FAM199X: variants seen among roughly 807,000 people sequenced by gnomAD.
FAM199X encodes protein FAM199X.
Under a neutral mutation model 22.9 loss-of-function variants are expected in FAM199X, and 4 were observed. The ratio of observed to expected loss-of-function variants is 0.17; its 90% CI spans 0.09 to 0.40. FAM199X has a LOEUF of 0.40. FAM199X is among the 10% of genes least tolerant of loss of function. FAM199X has a pLI of 1.00. For missense variants in FAM199X, 183 were observed against 306.8 expected (o/e 0.60, Z 3.01); for synonymous variants, 101 against 112.3 (o/e 0.90, Z 0.64).
At chrX:104,157,842 C>T in the FAM199X span, among the ~76,000 whole-genome samples, 2 of 111,739 alleles carry the variant, frequency 1.8e-5, no homozygotes, top group Admixed American at 9.4e-5. Context: ...TAAAGAGTCT[C>T]TTTGTACTGT....
intron 2 of FAM199X, among the ~76,000 whole-genome samples, chrX:104,176,530 AT>A (rs1211531000): frequency 7.1e-5 from 8 of 112,642 alleles, no homozygotes; most frequent in African/African-American, 2.3e-4. Context: ...TGTCTGCTAC[AT>A]TTGAAAGCCA....
Position 104,188,139 on chromosome X carries a change from G to GGTGCCA in FAM199X, c.837_842dup (p.Ala282_Ser283dup), listed in dbSNP as rs782316945. On this transcript the variant is annotated inframe_insertion, in exon 5 of 6. Coordinates refer to ENST00000493442, the MANE Select transcript of FAM199X (RefSeq NM_207318.4). Reference sequence around the variant, plus strand: ...TTGTGCAAGCACCAGTGGAGTGAGCGGTGCCAGTGCCAGCGCCAGCAGCAG... The same window carrying GGTGCCA: ...TTGTGCAAGCACCAGTGGAGTGAGCGGTGCCAGTGCCAGTGCCAGCGCCAGCAGCAG... The GGTGCCA allele has an allele frequency of 2.1e-5, 25 of 1,209,973 alleles. No homozygotes were observed. In the East Asian group the frequency reaches 5.0e-4, roughly 24 times the overall value.
At chrX:104,176,587 A>G (rs994061348) in intron 2 of FAM199X, among the ~76,000 whole-genome samples, 4 of 112,678 alleles carry the variant, frequency 3.5e-5, no homozygotes, top group African/African-American at 1.3e-4. Context: ...TGAATATTAT[A>G]ATTTCAAACA....
chrX:104,189,691 G>C lies in FAM199X; in HGVS notation c.1080G>C (p.Arg360Ser), dbSNP rs781836368. Residue 360 changes from arginine (R) to serine (S), a missense_variant, in exon 6 of 6, where the codon AGG becomes AGC. Around this residue, in one of 2 missense-constraint regions of FAM199X, gnomAD observed 128 missense variants for 246.2 expected, o/e 0.52. Transcript: ENST00000493442. Reference sequence around the variant, plus strand: ...AGCAGAGGCAGGCCCGGAAGGAGAGGCTCAGTGGGCTCTTCCTTAACGAAG... The same window carrying C: ...AGCAGAGGCAGGCCCGGAAGGAGAGCCTCAGTGGGCTCTTCCTTAACGAAG... Reference protein sequence around the residue: ...LKEQRQARKERLSGLFLNEEV... With the variant: ...LKEQRQARKESLSGLFLNEEV... 9 of 1,209,734 alleles carry C rather than the reference G, an allele frequency of 7.4e-6. No homozygotes were observed. The highest frequency in any genetic ancestry group is 8.9e-6 in the Non-Finnish European group (8 of 894,879).
chrX:104,168,245 A>G (rs1556374501), intron 1 of FAM199X, among the ~76,000 whole-genome samples: 3 of 112,617 alleles, frequency 2.7e-5, no homozygotes, highest in Non-Finnish European at 5.6e-5. Flanking sequence ...CTAAATCGTC[A>G]TTGCAAAAAA....
rs940078641 is a variant in FAM199X, at chrX:104,192,224, T to A, written c.*2446T>A. 1 of 111,745 alleles carries A rather than the reference T, an allele frequency of 8.9e-6. No individual in the cohort carries two copies. The highest frequency in any genetic ancestry group is 1.9e-5 in the Non-Finnish European group (1 of 52,963). 9.2% of individuals were successfully genotyped at this position (111,745 alleles called of 1,213,427 possible). ...CGTTTTAATGTCTTGTGTAGATAATTCAAAGTTTGAACTATTTCTTTCTTG... is the reference window on the plus strand; with the variant it reads ...CGTTTTAATGTCTTGTGTAGATAATACAAAGTTTGAACTATTTCTTTCTTG... On this transcript the variant is annotated 3_prime_UTR_variant, in exon 6 of 6. Transcript: ENST00000493442.
At chrX:104,187,424 T>C (rs1207216287) in intron 4 of FAM199X, among the ~76,000 whole-genome samples, 1 of 112,152 alleles carries the variant, frequency 8.9e-6, no homozygotes, top group Non-Finnish European at 1.9e-5. Flanking sequence ...CTTTTTCTGG[T>C]ACGTAGCTGA....
Position 104,194,362 on chromosome X carries a change from A to G in FAM199X, c.*4584A>G, listed in dbSNP as rs1265090065. 8.9e-6 allele frequency: 1 copy of G among 112,048 alleles called. No homozygotes were observed. Among genetic ancestry groups the G allele is most frequent in the African/African-American group, 3.2e-5 (1 of 30,920 alleles). The allele number at this position is 112,048 out of a possible 1,213,427, so 9.2% of individuals were successfully genotyped here. On this transcript the variant is annotated 3_prime_UTR_variant, in exon 6 of 6. Coordinates refer to ENST00000493442, the MANE Select transcript of FAM199X (RefSeq NM_207318.4). ...TCTAATTATGCATATACATTTGACT[A>G]TGTAAAGGTAGTTGTAGACTATATG...
chrX:104,166,879 A>G lies in FAM199X; in HGVS notation c.94A>G (p.Thr32Ala). 8.3e-7 allele frequency: 1 copy of G among 1,205,693 alleles called. No individual in the cohort carries two copies. Among genetic ancestry groups the G allele is most frequent in the Non-Finnish European group, 1.1e-6 (1 of 892,129 alleles). ...CCTGGGACCTCCTCGCGGGGTGGGC[A>G]CCTGCCCGAGCGAGGAGCCGGGCTG... ...PLLGPPRGVG[T>A]CPSEEPGCLD... The change falls in exon 1 of 6, where the codon ACC (threonine) becomes GCC (alanine). Residue 32 changes from threonine (T) to alanine (A), a missense_variant. Thr to Ala is a moderately conservative substitution (Grantham distance 58). Around this residue, in one of 2 missense-constraint regions of FAM199X, gnomAD observed 55 missense variants for 60.6 expected, o/e 0.91. Transcript: ENST00000493442.
rs782105421 is a variant in FAM199X, at chrX:104,182,278, C to T, written c.418-3788C>T. Among the ~76,000 whole-genome samples the T allele has an allele frequency of 6.3e-5, 7 of 110,950 alleles. No individual in the cohort carries two copies. The South Asian group carries it at 1.9e-3, about 30-fold the overall frequency. ...CTGGGATTACAGGTGTGAGCCACTG[C>T]GCTCGGCTTTGTAAATTTTCATGTT... On this transcript the variant is annotated intron_variant, in intron 2 of 5. Transcript: ENST00000493442.
chrX:104,157,791 T>C, the FAM199X span, among the ~76,000 whole-genome samples: 1 of 111,679 alleles, frequency 9.0e-6, no homozygotes, highest in African/African-American at 3.3e-5. Context: ...ACTGCTGATA[T>C]GGAAATTACT....
At chrX:104,181,990 T>C (rs1241282737) in intron 2 of FAM199X, among the ~76,000 whole-genome samples, 1 of 107,802 alleles carries the variant, frequency 9.3e-6, no homozygotes, top group Non-Finnish European at 1.9e-5. Context: ...TTCTTTTTTT[T>C]CTTTTTTTTT....
At position 104,186,595 on chromosome X, in the gene FAM199X, T is replaced by A. The variant is rs1556379185; in HGVS notation, c.703T>A (p.Cys235Ser). Reference protein sequence around the residue: ...TDSEFIIELNCLTDEKLKQVR... With the variant: ...TDSEFIIELNSLTDEKLKQVR... Reference sequence around the variant, plus strand: ...CAGTGAGTTTATTATTGAACTTAACTGTCTCACAGATGAAAAACTGAAGCA... The same window carrying A: ...CAGTGAGTTTATTATTGAACTTAACAGTCTCACAGATGAAAAACTGAAGCA... The change falls in exon 4 of 6, where the codon TGT (cysteine) becomes AGT (serine). Residue 235 changes from cysteine (C) to serine (S), a missense_variant. By Grantham distance (112) the Cys-to-Ser change is moderately radical. Transcript: ENST00000493442. 8.3e-7 allele frequency: 1 copy of A among 1,206,558 alleles called. No homozygotes were observed. The highest frequency in any genetic ancestry group is 2.2e-5 in the Admixed American group (1 of 45,138).
chrX:104,172,879 TAA>T (rs1326721661), intron 1 of FAM199X, among the ~76,000 whole-genome samples: 2 of 111,411 alleles, frequency 1.8e-5, no homozygotes, highest in Non-Finnish European at 3.8e-5. Context: ...AGTGAATGAA[TAA>T]AGGGAAAAAA....
rs1221385059 is a variant in FAM199X, at chrX:104,190,991, G to C, written c.*1213G>C. 1 of 111,497 alleles carries C rather than the reference G, an allele frequency of 9.0e-6. No homozygotes were observed. Among genetic ancestry groups the C allele is most frequent in the Non-Finnish European group, 1.9e-5 (1 of 53,015 alleles). The allele number at this position is 111,497 out of a possible 1,213,427, so 9.2% of individuals were successfully genotyped here. On this transcript the variant is annotated 3_prime_UTR_variant, in exon 6 of 6. Coordinates refer to ENST00000493442, the MANE Select transcript of FAM199X (RefSeq NM_207318.4). ...TTCCTTTTCTTCTACCACATGTCTT[G>C]AACATTCACATGGGTTAAAGAAGAT...
rs1921210640 is a variant in FAM199X at position 104,166,880 on chromosome X, C to T, written c.95C>T (p.Thr32Ile). The change falls in exon 1 of 6, where the codon ACC becomes ATC. Residue 32 changes from threonine (T) to isoleucine (I), a missense_variant. By Grantham distance (89) the Thr-to-Ile change is moderately conservative. Coordinates refer to ENST00000493442, the MANE Select transcript of FAM199X (RefSeq NM_207318.4). ...CTGGGACCTCCTCGCGGGGTGGGCACCTGCCCGAGCGAGGAGCCGGGCTGC... is the reference window on the plus strand; with the variant it reads ...CTGGGACCTCCTCGCGGGGTGGGCATCTGCCCGAGCGAGGAGCCGGGCTGC... ...PLLGPPRGVG[T>I]CPSEEPGCLD... is the part of the protein sequence containing the mutation. 1 of 1,206,013 alleles carries T rather than the reference C, an allele frequency of 8.3e-7. No homozygotes were observed. The highest frequency in any genetic ancestry group is 3.0e-5 in the East Asian group (1 of 33,210).
At chrX:104,167,151 C>T (rs1399754526) in intron 1 of FAM199X, among the ~76,000 whole-genome samples, 169 bp downstream of exon 1, 3 of 101,593 alleles carry the variant, frequency 3.0e-5, no homozygotes, top group Non-Finnish European at 6.0e-5. Flanking sequence ...TCACCCCTGC[C>T]CTCCTATTTT....
chrX:104,162,018 T>C (rs67191943), upstream of FAM199X, among the ~76,000 whole-genome samples: 18,122 of 111,742 alleles, frequency 0.16, 1,233 homozygotes, highest in Non-Finnish European at 0.23. Flanking sequence ...CTGAACAGTA[T>C]GCAAACAGGC....
upstream of FAM199X, among the ~76,000 whole-genome samples, chrX:104,163,095 T>TACACACACACACAC (rs35140355): frequency 5.2e-5 from 5 of 95,421 alleles, no homozygotes; most frequent in African/African-American, 2.0e-4. Flanking sequence ...CTCAGCTAAA[T>TACACACACACACAC]ACACACACAC....
Sources: allele counts gnomAD v4.1 joint callset (sites outside exome capture counted in the v4.1 genomes callset), GRCh38; gene constraint gnomAD v4.1.1; regional missense constraint gnomAD v4.1.1; transcripts MANE v1.5; gene names NCBI Gene and HGNC (gene_info 2026-07-23, HGNC 2026-07-21).